Variants in DHRS9 observed in about 807,000 individuals in gnomAD.
DHRS9 encodes dehydrogenase/reductase 9.
Under a neutral mutation model 26.6 loss-of-function variants are expected in DHRS9, and 18 were observed. The observed-to-expected ratio is 0.68, with a 90% confidence interval of 0.47 to 1.00. The LOEUF is 1.00. Ranked by LOEUF, DHRS9 falls within the 50% of genes least tolerant of loss-of-function variation. The pLI is 0.00. For missense variants in DHRS9, 425 were observed against 378.7 expected (o/e 1.12, Z -1.01); for synonymous variants, 134 against 141.1 (o/e 0.95, Z 0.36).
At chr2:169,079,890 A>AGAGG (rs1684095949) in intron 1 of DHRS9, among the ~76,000 whole-genome samples, 8 of 98,180 alleles carry the variant, frequency 8.1e-5, no homozygotes, top group Non-Finnish European at 1.6e-4. Context: ...AGAAAGAGAG[A>AGAGG]GAGAGAGGGA....
At chr2:169,090,248 G>T (rs1187075248) in intron 3 of DHRS9, among the ~76,000 whole-genome samples, 2 of 152,182 alleles carry the variant, frequency 1.3e-5, no homozygotes, top group African/African-American at 4.8e-5. Flanking sequence ...TTCCCAGCAT[G>T]CATACTGATT....
At chr2:169,075,644 T>G (rs1412754278) in intron 1 of DHRS9, among the ~76,000 whole-genome samples, 4 of 152,220 alleles carry the variant, frequency 2.6e-5, no homozygotes, top group Non-Finnish European at 2.9e-5. Context: ...TGCATTTGGT[T>G]GTTGTATCTC....
At chr2:169,069,283 G>A (rs752994021), upstream of DHRS9, among the ~76,000 whole-genome samples, 10 of 152,026 alleles carry the variant, frequency 6.6e-5, no homozygotes, top group Admixed American at 2.0e-4. Flanking sequence ...TTAAAACCAC[G>A]CACCAGGCAG....
In DHRS9 at chr2:169,095,737, A is replaced by G. The variant is rs1404367926; in HGVS notation, c.930A>G (p.Lys310=). The stretch of plus-strand genomic sequence containing the variant: ...AAGACTTTTTATTGTTGAAACAGAA[A>G]GCAGAGCTGGCTAATCCCAAGGCAG... ...ALQDFLLLKQ[K]AELANPKAV Residue 310 remains lysine (K), a synonymous_variant, in exon 5 of 5, where the codon AAA becomes AAG. Transcript: ENST00000674881. 3.1e-6 allele frequency: 5 copies of G among 1,613,726 alleles called. No homozygotes were observed. The highest frequency in any genetic ancestry group is 2.7e-5 in the African/African-American group (2 of 74,910).
chr2:169,072,551 A>G, intron 1 of DHRS9: 1 of 925,052 alleles, frequency 1.1e-6, no homozygotes, highest in Non-Finnish European at 1.3e-6. Context: ...AAATTAAATA[A>G]TCCTATTTTA....
At chr2:169,087,563 C>A (rs1349362062) in intron 3 of DHRS9, among the ~76,000 whole-genome samples, 6 of 152,068 alleles carry the variant, frequency 3.9e-5, no homozygotes, top group Non-Finnish European at 8.8e-5. Flanking sequence ...AAGGAGTCTC[C>A]CCCTATAGCC....
rs1684687295 is a variant in DHRS9 at position 169,095,989 on chromosome 2, T to TC, written c.*224dup. 1 of 571,210 alleles carries TC rather than the reference T, an allele frequency of 1.8e-6. No homozygotes were observed. Among genetic ancestry groups the TC allele is most frequent in the Admixed American group, 3.0e-5 (1 of 32,862 alleles). 35.4% of individuals were successfully genotyped at this position (571,210 alleles called of 1,614,324 possible). ...TGGAATGGTACATCACATAGGCAAG[T>TC]CCTGCCCTGTATTTAGGCTTTGCCT... On this transcript the variant is annotated 3_prime_UTR_variant, in exon 5 of 5. Coordinates refer to ENST00000674881, the MANE Select transcript of DHRS9 (RefSeq NM_001376924.1).
intron 4 of DHRS9, 98 bp downstream of exon 4, chr2:169,092,051 T>C: frequency 3.8e-6 from 5 of 1,307,170 alleles, no homozygotes; most frequent in South Asian, 3.2e-5. Context: ...TTCTGAGTAA[T>C]ACCCCAATAA....
At chr2:169,088,329 G>A (rs1357253960) in intron 3 of DHRS9, among the ~76,000 whole-genome samples, 1 of 152,162 alleles carries the variant, frequency 6.6e-6, no homozygotes, top group African/African-American at 2.4e-5. Flanking sequence ...CCCCAAGTAC[G>A]CAGATTCTGC....
At chr2:169,078,508 T>C (rs1484936086) in intron 1 of DHRS9, among the ~76,000 whole-genome samples, 4 of 152,236 alleles carry the variant, frequency 2.6e-5, no homozygotes, top group African/African-American at 9.6e-5. Context: ...TAGTTGAATT[T>C]GTAGATACAA....
rs1246483997 is a variant in DHRS9, at chr2:169,095,610, T to G, written c.803T>G (p.Met268Arg). Reference protein sequence around the residue: ...NMDLSPVVECMDHALTSLFPK... With the variant: ...NMDLSPVVECRDHALTSLFPK... ...GACCTCTCTCCGGTGGTAGAGTGCATGGACCACGCTCTAACAAGTCTCTTC... is the reference window on the plus strand; with the variant it reads ...GACCTCTCTCCGGTGGTAGAGTGCAGGGACCACGCTCTAACAAGTCTCTTC... The change falls in exon 5 of 5, where the codon ATG becomes AGG. Residue 268 changes from methionine to arginine, a missense_variant. Physicochemically the swap from Met to Arg is moderately conservative, Grantham distance 91 (BLOSUM62 -1). Coordinates refer to ENST00000674881, the MANE Select transcript of DHRS9 (RefSeq NM_001376924.1). 1 of 1,613,806 alleles carries G rather than the reference T, an allele frequency of 6.2e-7. No individual in the cohort carries two copies. The highest frequency in any genetic ancestry group is 1.7e-5 in the Admixed American group (1 of 59,972).
At chr2:169,081,931 T>A in intron 2 of DHRS9, 37 bp downstream of exon 2, 2 of 1,536,232 alleles carry the variant, frequency 1.3e-6, no homozygotes, top group South Asian at 2.5e-5. Flanking sequence ...GGGACAGGGA[T>A]AGGGGATAGG....
At chr2:169,070,022 A>G (rs889569584) in intron 1 of DHRS9, 21 of 880,572 alleles carry the variant, frequency 2.4e-5, no homozygotes, top group Non-Finnish European at 2.6e-5. Flanking sequence ...TCTTGACACT[A>G]TCTGTGAATC....
At chr2:169,085,441 T>A (rs1055250517) in intron 3 of DHRS9, among the ~76,000 whole-genome samples, 1 of 152,210 alleles carries the variant, frequency 6.6e-6, no homozygotes, top group Non-Finnish European at 1.5e-5. Flanking sequence ...ATTTTAATAA[T>A]ACTGATTCTT....
chr2:169,070,032 C>T (rs1197473032), intron 1 of DHRS9: 1 of 923,978 alleles, frequency 1.1e-6, no homozygotes, highest in Non-Finnish European at 1.3e-6. Flanking sequence ...ATCTGTGAAT[C>T]TTATGATTAA....
intron 2 of DHRS9, among the ~76,000 whole-genome samples, chr2:169,082,608 G>A (rs1028920878): frequency 2.6e-5 from 4 of 152,068 alleles, no homozygotes; most frequent in Non-Finnish European, 4.4e-5. Context: ...ATAAGGCTTC[G>A]ATTTTTAACA....
intron 1 of DHRS9, among the ~76,000 whole-genome samples, chr2:169,080,759 A>AT (rs767259437): frequency 5.3e-5 from 8 of 152,130 alleles, no homozygotes; most frequent in African/African-American, 1.4e-4. Context: ...TGTCCATGTG[A>AT]TTTTTTTCTC....
chr2:169,078,815 C>CTTTTTTTTTTTTTTTTTTTTT (rs200691133), intron 1 of DHRS9, among the ~76,000 whole-genome samples: 1 of 110,366 alleles, frequency 9.1e-6, no homozygotes, highest in African/African-American at 3.7e-5. Flanking sequence ...TATCAACTGA[C>CTTTTTTTTTTTTTTTTTTTTT]TTTTTTTTTT....
rs1684676464 is a variant in DHRS9 at position 169,095,711 on chromosome 2, C to CA, written c.906dup (p.Asp303ArgfsTer13). The CA allele has an allele frequency of 5.0e-6, 8 of 1,613,916 alleles. No homozygotes were observed. Among genetic ancestry groups the CA allele is most frequent in the Non-Finnish European group, 6.8e-6 (8 of 1,179,876 alleles). On this transcript the variant is annotated frameshift_variant, in exon 5 of 5. Transcript: ENST00000674881. LOFTEE classifies it high-confidence loss of function. ...TCTGTCTCACATGCCAGCAGCTTTGCAAGACTTTTTATTGTTGAAACAGAA... is the reference window on the plus strand; with the variant it reads ...TCTGTCTCACATGCCAGCAGCTTTGCAAAGACTTTTTATTGTTGAAACAGAA...
Sources: gnomAD v4.1 joint callset for allele counts (sites outside exome capture counted in the v4.1 genomes callset) on GRCh38, gnomAD v4.1.1 for gene constraint, MANE v1.5 for transcripts, NCBI Gene and HGNC (gene_info 2026-07-23, HGNC 2026-07-21) for gene names.